Variants in ABCC4 observed in about 807,000 individuals in gnomAD.
The protein encoded by ABCC4 is ATP-binding cassette sub-family C member 4.
Under a neutral mutation model 168.5 loss-of-function variants are expected in ABCC4, and 102 were observed. That is an observed-to-expected ratio of 0.61 (90% CI 0.52 to 0.71). ABCC4 has a LOEUF of 0.71. ABCC4 is among the 30% of genes least tolerant of loss of function. The probability of loss-of-function intolerance (pLI) is 0.00; values close to 1 mark genes in which losing one functional copy is unlikely to be tolerated. For synonymous variants in ABCC4, 617 were observed against 590.7 expected, an observed-to-expected ratio of 1.04 and a Z score of -0.65; for missense variants, 1,402 against 1,605.8, an observed-to-expected ratio of 0.87 and a Z score of 2.17.
chr13:95,164,409 A>C lies in ABCC4; in HGVS notation c.2144T>G (p.Ile715Ser). The C allele has an allele frequency of 1.2e-6, 2 of 1,614,208 alleles. No individual in the cohort carries two copies. Among genetic ancestry groups the C allele is most frequent in the Non-Finnish European group, 1.7e-6 (2 of 1,180,020 alleles). The change falls in exon 16 of 31, where the codon ATT (isoleucine) becomes AGT (serine). Residue 715 changes from isoleucine to serine, a missense_variant. Ile to Ser is a moderately radical substitution (Grantham distance 142). Transcript: ENST00000645237. Reference protein sequence around the residue: ...FRAGAHWIVFIFLILLNTAAQ... With the variant: ...FRAGAHWIVFSFLILLNTAAQ... Reference sequence around the variant, plus strand: ...TGCAGTGTTTAGGAGAATAAGGAAAATGAAGACAATCCAGTGAGCACCAGC... The same window carrying C: ...TGCAGTGTTTAGGAGAATAAGGAAACTGAAGACAATCCAGTGAGCACCAGC...
chr13:95,121,432 T>G lies in ABCC4; in HGVS notation c.2456-5431A>C, dbSNP rs564860325. ...TCAAACTTTATGGGGTTTTTTTTTGTTTTTTTTTTTTTGAGAAAAGGTCTC... is the reference window on the plus strand; with the variant it reads ...TCAAACTTTATGGGGTTTTTTTTTGGTTTTTTTTTTTTGAGAAAAGGTCTC... On this transcript the variant is annotated intron_variant, in intron 19 of 30. Transcript: ENST00000645237. Among the ~76,000 whole-genome samples the G allele has an allele frequency of 6.4e-3, 545 of 85,454 alleles. 5 individuals are homozygous for G. Among genetic ancestry groups the G allele is most frequent in the Non-Finnish European group, 2.0e-3 (80 of 39,504 alleles). The allele number at this position is 85,454 out of a possible 152,430, so 56.1% of individuals were successfully genotyped here.
chr13:95,269,102 G>A (rs540489668), intron 1 of ABCC4, among the ~76,000 whole-genome samples: 5 of 152,154 alleles, frequency 3.3e-5, no homozygotes, highest in African/African-American at 1.2e-4. Flanking sequence ...GCAGCCATTT[G>A]CTGTAGTAAA....
chr13:95,126,634 A>G (rs2035769846), intron 19 of ABCC4, among the ~76,000 whole-genome samples: 1 of 148,966 alleles, frequency 6.7e-6, no homozygotes, highest in South Asian at 2.1e-4. Flanking sequence ...CCGGCGCATC[A>G]TTTTAATATC....
chr13:95,277,997 A>G (rs140515151), intron 1 of ABCC4, among the ~76,000 whole-genome samples: 2 of 152,280 alleles, frequency 1.3e-5, no homozygotes, highest in Non-Finnish European at 2.9e-5. Context: ...CAGGACAGTC[A>G]CCACCAAGGG....
chr13:95,236,593 C>T (rs566419720), intron 3 of ABCC4, among the ~76,000 whole-genome samples: 41,524 of 96,620 alleles, frequency 0.43, 6,339 homozygotes, highest in Non-Finnish European at 0.46. Flanking sequence ...TGTGAACGCG[C>T]GCGTGCGCGC....
At chr13:95,167,578 G>A (rs1220252459) in intron 14 of ABCC4, among the ~76,000 whole-genome samples, 2 of 152,112 alleles carry the variant, frequency 1.3e-5, no homozygotes, top group East Asian at 3.9e-4. Flanking sequence ...TTTGATAACT[G>A]GAGAATTCAA....
At chr13:95,157,373 G>A (rs2036904580) in intron 19 of ABCC4, among the ~76,000 whole-genome samples, 1 of 151,770 alleles carries the variant, frequency 6.6e-6, no homozygotes, top group South Asian at 2.1e-4. Flanking sequence ...GCAGACACCT[G>A]TAATACCAAC....
intron 4 of ABCC4, among the ~76,000 whole-genome samples, chr13:95,222,767 C>T (rs987735659): frequency 6.6e-6 from 1 of 152,172 alleles, no homozygotes; most frequent in Admixed American, 6.5e-5. Context: ...AATTCAAGAG[C>T]ACTATCCAGA....
At chr13:95,235,705 T>G (rs1047510565) in intron 3 of ABCC4, among the ~76,000 whole-genome samples, 33 of 135,346 alleles carry the variant, frequency 2.4e-4, no homozygotes, top group Admixed American at 2.3e-3. Context: ...CCAGCTTCAG[T>G]TGGAGTGGGG....
chr13:95,161,098 T>A (rs929636967), intron 19 of ABCC4, 91 bp downstream of exon 19: 1 of 829,338 alleles, frequency 1.2e-6, no homozygotes, highest in Non-Finnish European at 1.6e-6. Flanking sequence ...CTTCCCAGCA[T>A]CCCTTCCATT....
chr13:95,295,665 T>C (rs983912476), intron 1 of ABCC4, among the ~76,000 whole-genome samples: 1 of 144,632 alleles, frequency 6.9e-6, no homozygotes, highest in African/African-American at 2.6e-5. Flanking sequence ...CCCCCGCCCC[T>C]CAAAAAATTA....
chr13:95,237,501 C>A (rs907612926), intron 3 of ABCC4, among the ~76,000 whole-genome samples: 2 of 152,202 alleles, frequency 1.3e-5, no homozygotes, highest in Admixed American at 1.3e-4. Flanking sequence ...CTTACTCCTT[C>A]ACAAGAATTC....
At chr13:95,166,803 A>T (rs1247362516) in intron 14 of ABCC4, among the ~76,000 whole-genome samples, 1 of 152,182 alleles carries the variant, frequency 6.6e-6, no homozygotes, top group East Asian at 1.9e-4. Context: ...ACAAGCCTCC[A>T]CTGGCCATGG....
chr13:95,190,265 G>A lies in ABCC4; in HGVS notation c.1264-1723C>T, dbSNP rs1343400966. 3.9e-5 allele frequency among the ~76,000 whole-genome samples: 6 copies of A among 152,216 alleles called. No homozygotes were observed. The East Asian group carries it at 5.8e-4, about 15-fold the overall frequency. ...GAGGCAGGAGGATCCCTTGAGCACC[G>A]GAGGCTGAGGTTGCAGTGAGCCAAG... On this transcript the variant is annotated intron_variant, in intron 9 of 30. Transcript: ENST00000645237.
chr13:95,199,790 T>C (rs1218355142), intron 8 of ABCC4, among the ~76,000 whole-genome samples: 7 of 152,160 alleles, frequency 4.6e-5, no homozygotes. Context: ...ATTGAAAATA[T>C]GTGGATTTTC....
intron 1 of ABCC4, among the ~76,000 whole-genome samples, chr13:95,289,323 T>C (rs1219568872): frequency 6.6e-6 from 1 of 152,186 alleles, no homozygotes; most frequent in Non-Finnish European, 1.5e-5. Context: ...TCAATTAATC[T>C]CTGACCCAGG....
rs946139084 is a variant in ABCC4 at position 95,294,402 on chromosome 13, T to C, written c.74+6839A>G. Among the ~76,000 whole-genome samples, 6 of 152,118 alleles carry C rather than the reference T, an allele frequency of 3.9e-5. No individual in the cohort carries two copies. In the South Asian group the frequency reaches 1.2e-3, roughly 32 times the overall value. On this transcript the variant is annotated intron_variant, in intron 1 of 30. Transcript: ENST00000645237. ...GAAACCAAGACCATGCCTATTGTCA[T>C]GCTATAGTCCCCTTTTGGGCCATCT...
chr13:95,021,742 G>C, intron 30 of ABCC4, 60 bp from the exon 31 acceptor site: 1 of 1,158,044 alleles, frequency 8.6e-7, no homozygotes, highest in South Asian at 1.4e-5. Context: ...TCTCCTCCCT[G>C]AAACAATGCA....
chr13:95,086,005 CA>C (rs2034244603), intron 20 of ABCC4, among the ~76,000 whole-genome samples: 2 of 18,622 alleles, frequency 1.1e-4, no homozygotes, highest in African/African-American at 3.1e-4. Flanking sequence ...ACACACGATT[CA>C]TATTTTTAAA....
Sources: allele counts gnomAD v4.1 joint callset (sites outside exome capture counted in the v4.1 genomes callset), GRCh38; gene constraint gnomAD v4.1.1; transcripts MANE v1.5; gene names NCBI Gene and HGNC (gene_info 2026-07-23, HGNC 2026-07-21).